COPS2: variants seen among roughly 807,000 people sequenced by gnomAD.
COPS2 encodes COP9 signalosome subunit 2.
Under a neutral mutation model 66.1 loss-of-function variants are expected in COPS2, and 10 were observed. The observed-to-expected ratio is 0.15, with a 90% CI of 0.09 to 0.26. COPS2 has a LOEUF of 0.26. Among genes scored for constraint, COPS2 ranks in the 10% least tolerant of loss-of-function variants. COPS2 has a pLI of 1.00. For missense variants in COPS2, 215 were observed against 513.3 expected (o/e 0.42, Z 5.62); for synonymous variants, 179 against 171.3 (o/e 1.04, Z -0.35).
chr15:49,133,273 C>T (rs1338605024), intron 9 of COPS2, among the ~76,000 whole-genome samples: 1 of 152,186 alleles, frequency 6.6e-6, no homozygotes, highest in Non-Finnish European at 1.5e-5. Flanking sequence ...CAGGCGTGAG[C>T]CACCACGCCC....
chr15:49,149,503 C>T (rs1197168581), intron 1 of COPS2, among the ~76,000 whole-genome samples: 1 of 152,224 alleles, frequency 6.6e-6, no homozygotes, highest in Non-Finnish European at 1.5e-5. Context: ...AAATTGTGAA[C>T]TTCTCAGAAG....
chr15:49,125,394 G>A lies in COPS2; in HGVS notation c.*2556C>T, dbSNP rs182757387. 2.0e-5 allele frequency: 3 copies of A among 152,224 alleles called. No homozygotes were observed. Among genetic ancestry groups the A allele is most frequent in the African/African-American group, 7.2e-5 (3 of 41,564 alleles). 9.4% of individuals were successfully genotyped at this position (152,224 alleles called of 1,614,324 possible). On this transcript the variant is annotated 3_prime_UTR_variant, in exon 13 of 13. Transcript: ENST00000388901. ...TGTGGCAGCCAAAGATTTCTTTGCA[G>A]TAACTTTTAGCTAGGTTTAGGGATA... is the stretch of plus-strand genomic sequence containing the variant.
intron 4 of COPS2, among the ~76,000 whole-genome samples, chr15:49,138,429 C>T (rs2084268388): frequency 6.6e-6 from 1 of 152,146 alleles, no homozygotes; most frequent in South Asian, 2.1e-4. Flanking sequence ...TTACATATAA[C>T]CACACACAGA....
intron 11 of COPS2, 141 bp downstream of exon 11, chr15:49,129,336 C>A: frequency 2.5e-6 from 1 of 393,190 alleles, no homozygotes; most frequent in South Asian, 6.2e-5. Flanking sequence ...AAAAGTAAAG[C>A]CCTTAAGTTA....
rs2084178468 is a variant in COPS2, at chr15:49,127,737, G to A, written c.*213C>T. On this transcript the variant is annotated 3_prime_UTR_variant, in exon 13 of 13. Transcript: ENST00000388901. The stretch of plus-strand genomic sequence containing the variant: ...GATGTCAATACAGCATAAATCCCAT[G>A]GTATTTTGGTTTTCTTCTGGAGATT... The A allele has an allele frequency of 2.0e-6, 1 of 493,942 alleles. No homozygotes were observed. Among genetic ancestry groups the A allele is most frequent in the South Asian group, 3.6e-5 (1 of 27,916 alleles). 30.6% of individuals were successfully genotyped at this position (493,942 alleles called of 1,614,324 possible).
Position 49,126,688 on chromosome 15 carries a change from C to A in COPS2, c.*1262G>T, listed in dbSNP as rs1194871428. On this transcript the variant is annotated 3_prime_UTR_variant, in exon 13 of 13. Transcript: ENST00000388901. ...GTAGTTACCTTGGAAGGCCACAGTTCATTCTCCTAAGTATACTGCCACTGC... is the reference window on the plus strand; with the variant it reads ...GTAGTTACCTTGGAAGGCCACAGTTAATTCTCCTAAGTATACTGCCACTGC... 1 of 152,108 alleles carries A rather than the reference C, an allele frequency of 6.6e-6. No homozygotes were observed. Among genetic ancestry groups the A allele is most frequent in the African/African-American group, 2.4e-5 (1 of 41,436 alleles). 9.4% of individuals were successfully genotyped at this position (152,108 alleles called of 1,614,324 possible).
At chr15:49,128,370 T>G (rs1257584195) in intron 12 of COPS2, among the ~76,000 whole-genome samples, 1 of 152,218 alleles carries the variant, frequency 6.6e-6, no homozygotes, top group South Asian at 2.1e-4. Context: ...CTTTAAACAA[T>G]GTACTGTTTT....
chr15:49,145,661 A>G (rs1442396272), intron 1 of COPS2, among the ~76,000 whole-genome samples: 1 of 152,164 alleles, frequency 6.6e-6, no homozygotes, highest in Non-Finnish European at 1.5e-5. Context: ...TCAGCTTTAT[A>G]ACAAATCAAA....
intron 6 of COPS2, among the ~76,000 whole-genome samples, chr15:49,135,979 T>C (rs185052985): frequency 1.6e-4 from 24 of 152,344 alleles, no homozygotes; most frequent in African/African-American, 4.6e-4. Flanking sequence ...TTCCATTTCA[T>C]AGGGAACTGA....
intron 1 of COPS2, among the ~76,000 whole-genome samples, chr15:49,149,752 T>C (rs1416761638): frequency 6.6e-6 from 1 of 152,184 alleles, no homozygotes; most frequent in African/African-American, 2.4e-5. Context: ...AAATGTACTT[T>C]AGGAAAACAA....
In COPS2 at chr15:49,123,905, T is replaced by G. The variant is rs2084143099; in HGVS notation, c.*4045A>C. On this transcript the variant is annotated 3_prime_UTR_variant, in exon 13 of 13. Transcript: ENST00000388901. ...AAACTTTAGCATTTTGAGAAACATGTAGAATCACTAGTTGACAGTTTAAAT... is the reference window on the plus strand; with the variant it reads ...AAACTTTAGCATTTTGAGAAACATGGAGAATCACTAGTTGACAGTTTAAAT... 2 of 152,318 alleles carry G rather than the reference T, an allele frequency of 1.3e-5. No homozygotes were observed. Among genetic ancestry groups the G allele is most frequent in the Non-Finnish European group, 2.9e-5 (2 of 68,024 alleles). The allele number at this position is 152,318 out of a possible 1,614,324, so 9.4% of individuals were successfully genotyped here. A position where few individuals can be genotyped will look rare whatever the true frequency, so the allele number is the denominator to read the frequency against.
chr15:49,133,181 G>T (rs947032264), intron 9 of COPS2, among the ~76,000 whole-genome samples: 47 of 151,988 alleles, frequency 3.1e-4, no homozygotes, highest in Middle Eastern at 6.8e-3. Context: ...GTAGAGACGG[G>T]GTTTCACCGT....
At chr15:49,131,312 T>C (rs2084206867) in intron 9 of COPS2, among the ~76,000 whole-genome samples, 1 of 151,904 alleles carries the variant, frequency 6.6e-6, no homozygotes, top group African/African-American at 2.4e-5. Context: ...AATTTTTATA[T>C]TCTAGAAAGC....
At chr15:49,131,777 T>C (rs2084210998) in intron 9 of COPS2, among the ~76,000 whole-genome samples, 1 of 152,142 alleles carries the variant, frequency 6.6e-6, no homozygotes, top group Admixed American at 6.5e-5. Context: ...AAACATTTGT[T>C]TTATATTTGT....
chr15:49,152,174 T>A (rs647118), intron 1 of COPS2, among the ~76,000 whole-genome samples: 22,129 of 140,356 alleles, frequency 0.16, 2,155 homozygotes, highest in Non-Finnish European at 0.22. Flanking sequence ...CTAAGAAACA[T>A]AAAAAAAAAA....
intron 6 of COPS2, among the ~76,000 whole-genome samples, chr15:49,136,759 CG>C (rs2084255076): frequency 6.6e-6 from 1 of 151,888 alleles, no homozygotes; most frequent in Admixed American, 6.6e-5. Flanking sequence ...GTGGCCGAGG[CG>C]GTGATCGCCT....
In COPS2 at chr15:49,137,337, A is replaced by G. The variant is rs371669888; in HGVS notation, c.462+11T>C. The G allele has an allele frequency of 5.0e-6, 8 of 1,590,594 alleles. No homozygotes were observed. The highest frequency in any genetic ancestry group is 4.5e-5 in the East Asian group (2 of 44,680). The stretch of plus-strand genomic sequence containing the variant: ...TTTTCAAAAGAAAAGTGTAAGTATT[A>G]TAACGGTTACCTTTGTGTTTGTCTT... On this transcript the variant is annotated intron_variant, in intron 5 of 12. Coordinates refer to ENST00000388901, the MANE Select transcript of COPS2 (RefSeq NM_004236.4).
chr15:49,140,686 C>A (rs571358211), intron 3 of COPS2, among the ~76,000 whole-genome samples: 1 of 152,072 alleles, frequency 6.6e-6, no homozygotes, highest in Non-Finnish European at 1.5e-5. Flanking sequence ...AACCTTATAA[C>A]CTGCATCCAC....
chr15:49,132,423 T>G (rs1385962824), intron 9 of COPS2, among the ~76,000 whole-genome samples: 1 of 151,684 alleles, frequency 6.6e-6, no homozygotes, highest in African/African-American at 2.4e-5. Context: ...ACACAGGAAC[T>G]TTAATATCAT....
Sources: allele counts gnomAD v4.1 joint callset (sites outside exome capture counted in the v4.1 genomes callset), GRCh38; gene constraint gnomAD v4.1.1; transcripts MANE v1.5; gene names NCBI Gene and HGNC (gene_info 2026-07-23, HGNC 2026-07-21).